Variants in TTC9B observed in about 807,000 individuals in gnomAD.
The protein encoded by TTC9B is tetratricopeptide repeat domain 9B.
A neutral mutation model predicts 19.4 loss-of-function variants in TTC9B; 12 were observed. The observed-to-expected ratio is 0.62, with a 90% CI of 0.40 to 1.00. The LOEUF (loss-of-function observed/expected upper bound fraction) is 1.00, where lower values mean the gene tolerates loss of function less well. Ranked by LOEUF, TTC9B falls within the 50% of genes least tolerant of loss-of-function variation. The pLI is 0.00. For missense variants in TTC9B, 316 were observed against 345.2 expected (o/e 0.92, Z 0.67); for synonymous variants, 156 against 158.6 (o/e 0.98, Z 0.12).
chr19:40,217,893 GC>G, intron 1 of TTC9B, 61 bp downstream of exon 1: 1 of 1,345,066 alleles, frequency 7.4e-7, no homozygotes, highest in Non-Finnish European at 9.7e-7. Context: ...CCCCCAAGTC[GC>G]CAAGCTCTCC....
At chr19:40,216,402 C>G in intron 2 of TTC9B, 130 bp from the exon 3 acceptor site, 1 of 671,066 alleles carries the variant, frequency 1.5e-6, no homozygotes, top group Non-Finnish European at 2.6e-6. Context: ...GAGCCAGAGC[C>G]CTTCCCCAAA....
chr19:40,217,524 C>G (rs903476373), intron 1 of TTC9B, 155 bp from the exon 2 acceptor site: 40 of 949,660 alleles, frequency 4.2e-5, no homozygotes, highest in Non-Finnish European at 5.9e-5. Flanking sequence ...TCGAAACAGG[C>G]GCAACTGCGC....
At position 40,217,453 on chromosome 19, in the gene TTC9B, C is replaced by T. The variant is rs909839960; in HGVS notation, c.428-84G>A. 4.0e-6 allele frequency: 6 copies of T among 1,505,954 alleles called. No homozygotes were observed. The Admixed American group carries it at 6.0e-5, about 15-fold the overall frequency. The allele number at this position is 1,505,954 out of a possible 1,614,324, so 93.3% of individuals were successfully genotyped here. On this transcript the variant is annotated intron_variant, in intron 1 of 2. Coordinates refer to ENST00000311308, the MANE Select transcript of TTC9B (RefSeq NM_152479.6). ...GACTGCGAGGAGCCGAGGCTCCAGG[C>T]GGCAGGGAACCAGGCCTAAGGGATT...
chr19:40,216,846 G>T, intron 2 of TTC9B: 1 of 451,740 alleles, frequency 2.2e-6, no homozygotes, highest in Non-Finnish European at 4.1e-6. Flanking sequence ...GTAGGCAGGG[G>T]TGGGACGGGG....
intron 1 of TTC9B, chr19:40,217,704 A>G (rs1973388855): frequency 1.9e-6 from 1 of 514,678 alleles, no homozygotes; most frequent in East Asian, 3.3e-5. Context: ...GGGGGTGGAA[A>G]GAATGACTCA....
chr19:40,216,413 GCCCCAGTCACAGTCGGCAGT>G, intron 2 of TTC9B, 141 bp from the exon 3 acceptor site: 2 of 643,650 alleles, frequency 3.1e-6, no homozygotes, highest in Non-Finnish European at 2.8e-6. Context: ...CTTCCCCAAA[GCCCCAGTCACAGTCGGCAGT>G]CCCCAGTCAC....
chr19:40,218,252 G>A lies in TTC9B; in HGVS notation c.130C>T (p.Pro44Ser). ...GSGSRHGSARPGPTPEPSGSL... is the reference protein window; with the variant it reads ...GSGSRHGSARSGPTPEPSGSL... ...CCCGACGGCTCTGGGGTAGGACCGG[G>A]ACGAGCCGAGCCATGGCGGGAGCCC... The change falls in exon 1 of 3, where the codon CCC becomes TCC. Residue 44 changes from proline (P) to serine (S), a missense_variant. Physicochemically the swap from Pro to Ser is moderately conservative, Grantham distance 74. Transcript: ENST00000311308. This position sits in a 1 kb window ranked among gnomAD's most constrained non-coding sequence, Gnocchi z 4.2. The A allele has an allele frequency of 6.7e-7, 1 of 1,490,004 alleles. No homozygotes were observed. Among genetic ancestry groups the A allele is most frequent in the Non-Finnish European group, 8.9e-7 (1 of 1,127,628 alleles). The allele number at this position is 1,490,004 out of a possible 1,614,324, so 92.3% of individuals were successfully genotyped here. A position where few individuals can be genotyped will look rare whatever the true frequency, so the allele number is the denominator to read the frequency against.
intron 2 of TTC9B, chr19:40,216,793 A>C: frequency 2.8e-6 from 1 of 352,404 alleles, no homozygotes; most frequent in East Asian, 5.5e-5. Flanking sequence ...AAGTGAATGA[A>C]TAGGTGTGCG....
At chr19:40,217,882 G>T (rs1973391623) in intron 1 of TTC9B, 73 bp downstream of exon 1, 2 of 1,329,134 alleles carry the variant, frequency 1.5e-6, no homozygotes, top group Non-Finnish European at 2.0e-6. Flanking sequence ...AGGGCCCCTG[G>T]CCCCCAAGTC....
chr19:40,217,577 G>C, intron 1 of TTC9B: 1 of 648,130 alleles, frequency 1.5e-6, no homozygotes, highest in Admixed American at 3.0e-5. Flanking sequence ...GCCACTGGGC[G>C]ATCCACCCAG....
chr19:40,216,753 C>T lies in TTC9B; in HGVS notation c.610+434G>A, dbSNP rs534363498. 21 of 298,788 alleles carry T rather than the reference C, an allele frequency of 7.0e-5. No homozygotes were observed. In the South Asian group the frequency reaches 8.6e-4, roughly 12 times the overall value. The allele number at this position is 298,788 out of a possible 1,614,324, so 18.5% of individuals were successfully genotyped here. A position where few individuals can be genotyped will look rare whatever the true frequency, so the allele number is the denominator to read the frequency against. On this transcript the variant is annotated intron_variant, in intron 2 of 2. Coordinates refer to ENST00000311308, the MANE Select transcript of TTC9B (RefSeq NM_152479.6). ...ACACACCCCAATTTCCTGGCATCGT[C>T]CACCCGAGTGGATGAGTGGATGGTG...
At chr19:40,217,930 A>AACCCCC in intron 1 of TTC9B, 25 bp downstream of exon 1, 1 of 702,574 alleles carries the variant, frequency 1.4e-6, no homozygotes, top group African/African-American at 1.1e-4. Flanking sequence ...CTCGTGCCCC[A>AACCCCC]TCCCCCCACC....
At chr19:40,216,905 A>G in intron 2 of TTC9B, 1 of 559,832 alleles carries the variant, frequency 1.8e-6, no homozygotes, top group South Asian at 2.2e-5. Context: ...GCAGGTGAAT[A>G]GGAGATATCA....
At position 40,218,255 on chromosome 19, in the gene TTC9B, G is replaced by A. The variant is rs774203348; in HGVS notation, c.127C>T (p.Arg43Cys). The change falls in exon 1 of 3, where the codon CGT becomes TGT. Residue 43 changes from arginine (R) to cysteine (C), a missense_variant. Coordinates refer to ENST00000311308, the MANE Select transcript of TTC9B (RefSeq NM_152479.6). This position sits in a 1 kb window ranked among gnomAD's most constrained non-coding sequence, Gnocchi z 4.2. ...PGSGSRHGSA[R>C]PGPTPEPSGS... ...GACGGCTCTGGGGTAGGACCGGGACGAGCCGAGCCATGGCGGGAGCCCGAG... is the reference window on the plus strand; with the variant it reads ...GACGGCTCTGGGGTAGGACCGGGACAAGCCGAGCCATGGCGGGAGCCCGAG... 6 of 1,487,872 alleles carry A rather than the reference G, an allele frequency of 4.0e-6. No individual in the cohort carries two copies. The highest frequency in any genetic ancestry group is 1.3e-5 in the South Asian group (1 of 77,498). 92.2% of individuals were successfully genotyped at this position (1,487,872 alleles called of 1,614,324 possible).
At chr19:40,216,942 A>G in intron 2 of TTC9B, 2 of 584,936 alleles carry the variant, frequency 3.4e-6, no homozygotes, top group South Asian at 4.2e-5. Context: ...TAGATGAGAA[A>G]TGGCCGGGGA....
Position 40,217,800 on chromosome 19 carries a change from C to A in TTC9B, c.427+155G>T, listed in dbSNP as rs902811202. On this transcript the variant is annotated intron_variant, in intron 1 of 2. Coordinates refer to ENST00000311308, the MANE Select transcript of TTC9B (RefSeq NM_152479.6). ...AGCCACAGACCCCTGTCATCCCCTA[C>A]CCCTAATCCCTTTCCTTGATCAAGC... 1.8e-5 allele frequency: 12 copies of A among 679,164 alleles called. No homozygotes were observed. The African/African-American group carries it at 2.1e-4, about 12-fold the overall frequency. The allele number at this position is 679,164 out of a possible 1,614,324, so 42.1% of individuals were successfully genotyped here.
At position 40,217,973 on chromosome 19, in the gene TTC9B, A is replaced by G; in HGVS notation, c.409T>C (p.Cys137Arg). Residue 137 changes from cysteine (C) to arginine (R), a missense_variant, in exon 1 of 3, where the codon TGT (cysteine) becomes CGT (arginine). Cys to Arg is a radical substitution (Grantham distance 180). Coordinates refer to ENST00000311308, the MANE Select transcript of TTC9B (RefSeq NM_152479.6). ...GGCGTACCCGTGAGGGAGTCGTAAC[A>G]CTCCACCTCCGTGCTCTCCACCAGG... is the stretch of plus-strand genomic sequence containing the variant. The part of the protein sequence containing the change: ...RRLVESTEVE[C>R]YDSLTACLLQ... 6.8e-7 allele frequency: 1 copy of G among 1,464,242 alleles called. No individual in the cohort carries two copies. Among genetic ancestry groups the G allele is most frequent in the Non-Finnish European group, 9.0e-7 (1 of 1,116,414 alleles). 90.7% of individuals were successfully genotyped at this position (1,464,242 alleles called of 1,614,324 possible).
Position 40,216,230 on chromosome 19 carries a change from A to C in TTC9B, c.653T>G (p.Met218Arg). The C allele has an allele frequency of 1.2e-6, 2 of 1,614,160 alleles. No homozygotes were observed. Among genetic ancestry groups the C allele is most frequent in the Non-Finnish European group, 1.7e-6 (2 of 1,180,012 alleles). The part of the protein sequence containing the change: ...LRYIQLTQLK[M>R]NRCSLQREDS... ...TTCCCGCTGGAGGCTGCAACGATTC[A>C]TCTTCAGCTGAGTCAGCTGGATGTA... The change falls in exon 3 of 3, where the codon ATG becomes AGG. Residue 218 changes from methionine to arginine, a missense_variant. By Grantham distance (91) the Met-to-Arg change is moderately conservative. Coordinates refer to ENST00000311308, the MANE Select transcript of TTC9B (RefSeq NM_152479.6).
At chr19:40,216,602 G>A (rs1184008414) in intron 2 of TTC9B, 2 of 380,008 alleles carry the variant, frequency 5.3e-6, no homozygotes, top group Non-Finnish European at 4.9e-6. Flanking sequence ...ATCTCGTCTC[G>A]GCTCCCACAA....
Sources: gnomAD v4.1 joint callset for allele counts on GRCh38, gnomAD v4.1.1 for gene constraint, Gnocchi (gnomAD v3.1) non-coding constraint, MANE v1.5 for transcripts, NCBI Gene and HGNC (gene_info 2026-07-23, HGNC 2026-07-21) for gene names.